VPS13B: variants seen among roughly 807,000 people sequenced by gnomAD.
The protein encoded by VPS13B is intermembrane lipid transfer protein VPS13B.
Under a neutral mutation model 426.4 loss-of-function variants are expected in VPS13B, and 285 were observed. The ratio of observed to expected loss-of-function variants is 0.67; its 90% CI spans 0.61 to 0.74. The LOEUF (loss-of-function observed/expected upper bound fraction) is 0.74. Ranked by LOEUF, VPS13B falls within the 30% of genes least tolerant of loss-of-function variation. The pLI is 0.00. For missense variants in VPS13B, 4,537 were observed against 4,782.6 expected (o/e 0.95, Z 1.51); for synonymous variants, 1,676 against 1,676.4 (o/e 1.00, Z 0.01).
Position 99,121,318 on chromosome 8 carries a change from A to T in VPS13B, c.1079A>T (p.Asp360Val), listed in dbSNP as rs1372421297. 2 of 1,614,156 alleles carry T rather than the reference A, an allele frequency of 1.2e-6. No homozygotes were observed. Among genetic ancestry groups the T allele is most frequent in the South Asian group, 2.2e-5 (2 of 91,078 alleles). ...WSFVPAIVSYDDGEEDFVGND... is the reference protein window; with the variant it reads ...WSFVPAIVSYVDGEEDFVGND... ...TTTGTGCCTGCAATTGTGAGTTATGACGATGGCGAGGAAGACTTTGTTGGG... is the reference window on the plus strand; with the variant it reads ...TTTGTGCCTGCAATTGTGAGTTATGTCGATGGCGAGGAAGACTTTGTTGGG... Residue 360 changes from aspartate (D) to valine (V), a missense_variant, in exon 8 of 62, where the codon GAC becomes GTC. Physicochemically the swap from Asp to Val is radical, Grantham distance 152. This residue lies in a region of VPS13B where 4,311 missense variants were observed against 4,474.3 expected (regional missense o/e 0.96). Coordinates refer to ENST00000357162, the MANE Select transcript of VPS13B (RefSeq NM_152564.5).
chr8:99,654,193 C>T (rs1186624091), intron 34 of VPS13B, among the ~76,000 whole-genome samples: 1 of 151,978 alleles, frequency 6.6e-6, no homozygotes. Flanking sequence ...GGACTATAGG[C>T]GCCCGCCACC....
intron 31 of VPS13B, among the ~76,000 whole-genome samples, chr8:99,570,415 C>G (rs184986356): frequency 1.1e-3 from 170 of 152,124 alleles, no homozygotes; most frequent in Non-Finnish European, 1.9e-3. Flanking sequence ...GGAATTTTCT[C>G]AAATCTATAT....
intron 19 of VPS13B, among the ~76,000 whole-genome samples, chr8:99,327,794 A>G (rs1262887254): frequency 6.6e-6 from 1 of 152,196 alleles, no homozygotes; most frequent in Non-Finnish European, 1.5e-5. Context: ...TTCTATCTGT[A>G]TCTCATAAGA....
intron 16 of VPS13B, among the ~76,000 whole-genome samples, chr8:99,187,690 C>T (rs556821112): frequency 3.9e-5 from 6 of 152,190 alleles, no homozygotes; most frequent in East Asian, 1.9e-4. Context: ...ATGGGTAGGC[C>T]GGGTGCAGTG....
intron 23 of VPS13B, among the ~76,000 whole-genome samples, chr8:99,446,262 G>A (rs976226967): frequency 1.3e-5 from 2 of 151,852 alleles, no homozygotes; most frequent in South Asian, 2.1e-4. Flanking sequence ...TATTTTCTGG[G>A]TATATAAATC....
Position 99,720,878 on chromosome 8 carries a change from C to T in VPS13B, c.6881C>T (p.Pro2294Leu), listed in dbSNP as rs1833104493. ...YVQDAESLKL[P>L]GVYEVLFYNE... ...TATTTGACAGAATCTTTGAAATTGCCTGGGGTCTATGAAGTCTTATTTTAT... is the reference window on the plus strand; with the variant it reads ...TATTTGACAGAATCTTTGAAATTGCTTGGGGTCTATGAAGTCTTATTTTAT... The change falls in exon 39 of 62, where the codon CCT (proline) becomes CTT (leucine). Residue 2294 changes from proline (P) to leucine (L), a missense_variant. Around this residue, in one of 2 missense-constraint regions of VPS13B, gnomAD observed 4,311 missense variants for 4,474.3 expected, o/e 0.96. Coordinates refer to ENST00000357162, the MANE Select transcript of VPS13B (RefSeq NM_152564.5). The T allele has an allele frequency of 2.5e-6, 4 of 1,613,386 alleles. No homozygotes were observed. Among genetic ancestry groups the T allele is most frequent in the Admixed American group, 1.7e-5 (1 of 59,964 alleles).
intron 14 of VPS13B, among the ~76,000 whole-genome samples, chr8:99,150,827 G>A (rs966300908): frequency 4.6e-5 from 7 of 152,190 alleles, no homozygotes; most frequent in African/African-American, 1.7e-4. Flanking sequence ...AGAGTTGTGA[G>A]TAAAACAGGC....
In VPS13B at chr8:99,121,350, C is replaced by A. The variant is rs1443448426; in HGVS notation, c.1111C>A (p.Pro371Thr). Residue 371 changes from proline (P) to threonine (T), a missense_variant, in exon 8 of 62, where the codon CCT (proline) becomes ACT (threonine). Coordinates refer to ENST00000357162, the MANE Select transcript of VPS13B (RefSeq NM_152564.5). ...DGEEDFVGND[P>T]ASTMHQQKAQ... is the part of the protein sequence containing the mutation. ...CGAGGAAGACTTTGTTGGGAACGAT[C>A]CTGCATCAACCATGCATCAACAAAA... The A allele has an allele frequency of 1.2e-6, 2 of 1,614,136 alleles. No homozygotes were observed. Among genetic ancestry groups the A allele is most frequent in the Non-Finnish European group, 1.7e-6 (2 of 1,180,034 alleles).
At chr8:99,290,233 T>C (rs946391168) in intron 19 of VPS13B, among the ~76,000 whole-genome samples, 3 of 152,106 alleles carry the variant, frequency 2.0e-5, no homozygotes, top group African/African-American at 7.2e-5. Context: ...CTATTCACAA[T>C]AGCAAAGACT....
At chr8:99,363,855 GT>G (rs1194284806) in intron 19 of VPS13B, among the ~76,000 whole-genome samples, 7 of 152,022 alleles carry the variant, frequency 4.6e-5, no homozygotes, top group African/African-American at 7.2e-5. Flanking sequence ...AGTTCTAATA[GT>G]TTTTTTGGTG....
At position 99,876,063 on chromosome 8, in the gene VPS13B, T is replaced by TG. The variant is rs1418215123; in HGVS notation, c.*398dup. ...GCATTTATTTTTGCTCTATGACACT[T>TG]GCAAAAATCTCTACTGTAATTAATT... On this transcript the variant is annotated 3_prime_UTR_variant, in exon 62 of 62. Coordinates refer to ENST00000357162, the MANE Select transcript of VPS13B (RefSeq NM_152564.5). 8.7e-6 allele frequency: 2 copies of TG among 230,660 alleles called. No homozygotes were observed. Among genetic ancestry groups the TG allele is most frequent in the African/African-American group, 4.7e-5 (2 of 42,442 alleles). The allele number at this position is 230,660 out of a possible 1,614,324, so 14.3% of individuals were successfully genotyped here. A position where few individuals can be genotyped will look rare whatever the true frequency, so the allele number is the denominator to read the frequency against.
chr8:99,310,566 A>T (rs1820901337), intron 19 of VPS13B, among the ~76,000 whole-genome samples: 2 of 151,950 alleles, frequency 1.3e-5, no homozygotes, highest in South Asian at 4.2e-4. Context: ...AAGCTTTTTG[A>T]TGTGTTGCTG....
At chr8:99,463,235 T>C (rs1313833949) in intron 23 of VPS13B, among the ~76,000 whole-genome samples, 1 of 152,252 alleles carries the variant, frequency 6.6e-6, no homozygotes, top group Non-Finnish European at 1.5e-5. Flanking sequence ...TAGTTTTGCA[T>C]TGTTTACAAT....
At chr8:99,767,043 A>AC (rs1811261991) in intron 40 of VPS13B, 73 bp downstream of exon 40, 1 of 1,447,530 alleles carries the variant, frequency 6.9e-7, no homozygotes, top group African/African-American at 1.4e-5. Flanking sequence ...CTATCTAGTG[A>AC]CCCCTCACTT....
At chr8:99,261,907 T>C (rs1818059684) in intron 17 of VPS13B, among the ~76,000 whole-genome samples, 1 of 152,220 alleles carries the variant, frequency 6.6e-6, no homozygotes, top group Non-Finnish European at 1.5e-5. Flanking sequence ...CAGAATGTAT[T>C]GCTTTAAATT....
At chr8:99,870,041 C>T (rs58453983) in intron 59 of VPS13B, among the ~76,000 whole-genome samples, 4,898 of 152,278 alleles carry the variant, frequency 0.032, 237 homozygotes, top group African/African-American at 0.11. Context: ...GTTTAACAGC[C>T]GGATTAAGTC....
At chr8:99,668,502 C>T (rs1830576370) in intron 35 of VPS13B, among the ~76,000 whole-genome samples, 1 of 152,176 alleles carries the variant, frequency 6.6e-6, no homozygotes, top group Non-Finnish European at 1.5e-5. Flanking sequence ...ATTATTTTCT[C>T]TAAACAAGGT....
At chr8:99,833,110 C>A (rs1288625376) in intron 52 of VPS13B, among the ~76,000 whole-genome samples, 1 of 152,096 alleles carries the variant, frequency 6.6e-6, no homozygotes, top group African/African-American at 2.4e-5. Flanking sequence ...GAATTTTTCT[C>A]AAAAAAGTCA....
chr8:99,864,838 C>T (rs1042450149), intron 58 of VPS13B, among the ~76,000 whole-genome samples: 5 of 152,160 alleles, frequency 3.3e-5, no homozygotes, highest in Admixed American at 6.5e-5. Flanking sequence ...TGGGCCTTTC[C>T]ACCATGTCGC....
Sources: allele counts gnomAD v4.1 joint callset (sites outside exome capture counted in the v4.1 genomes callset), GRCh38; gene constraint gnomAD v4.1.1; regional missense constraint gnomAD v4.1.1; transcripts MANE v1.5; gene names NCBI Gene and HGNC (gene_info 2026-07-23, HGNC 2026-07-21).